TMPRSS5: variants seen among roughly 807,000 people sequenced by gnomAD.
The protein encoded by TMPRSS5 is transmembrane protease serine 5.
Under a neutral mutation model 59.7 loss-of-function variants are expected in TMPRSS5, and 45 were observed. The observed-to-expected ratio is 0.75, with a 90% CI of 0.59 to 0.97. The LOEUF (loss-of-function observed/expected upper bound fraction) is 0.97. Ranked by LOEUF, TMPRSS5 falls within the 50% of genes least tolerant of loss-of-function variation. The pLI, the probability that TMPRSS5 is intolerant of heterozygous loss-of-function variation, is 0.00. For missense variants in TMPRSS5, 585 were observed against 596.7 expected (o/e 0.98, Z 0.20); for synonymous variants, 225 against 232.0 (o/e 0.97, Z 0.27).
intron 7 of TMPRSS5, among the ~76,000 whole-genome samples, chr11:113,695,178 G>A (rs1285064549): frequency 6.6e-6 from 1 of 152,190 alleles, no homozygotes; most frequent in Non-Finnish European, 1.5e-5. Flanking sequence ...GAGATCATCA[G>A]CCCAGATCTG....
In TMPRSS5 at chr11:113,689,649, T is replaced by C. The variant is rs946077698; in HGVS notation, c.1359+116A>G. On this transcript the variant is annotated intron_variant, in intron 12 of 12. Coordinates refer to ENST00000299882, the MANE Select transcript of TMPRSS5 (RefSeq NM_030770.4). Reference sequence around the variant, plus strand: ...CTTCCTCCACTCACTCTGGGGAATATGTCCTAGCACCCTCCCCAGTCCCCA... The same window carrying C: ...CTTCCTCCACTCACTCTGGGGAATACGTCCTAGCACCCTCCCCAGTCCCCA... 125 of 1,107,034 alleles carry C rather than the reference T, an allele frequency of 1.1e-4. 1 individual carries two copies. The highest frequency in any genetic ancestry group is 1.5e-4 in the Non-Finnish European group (117 of 797,024). 68.6% of individuals were successfully genotyped at this position (1,107,034 alleles called of 1,614,324 possible).
chr11:113,696,749 A>G (rs1952937482), intron 6 of TMPRSS5, 109 bp downstream of exon 6: 2 of 710,620 alleles, frequency 2.8e-6, no homozygotes, highest in Non-Finnish European at 4.9e-6. Flanking sequence ...TCCTCCTATC[A>G]TAGGCCACCA....
In TMPRSS5 at chr11:113,697,421, G is replaced by C. The variant is rs760504049; in HGVS notation, c.329-3C>G. On this transcript the variant is annotated splice_region_variant and splice_polypyrimidine_tract_variant and intron_variant, in intron 4 of 12. Transcript: ENST00000299882. Reference sequence around the variant, plus strand: ...TTCGCTGTTTATTCTGAAAGATACTGAAATCACAGCATGAAAACCACATGG... The same window carrying C: ...TTCGCTGTTTATTCTGAAAGATACTCAAATCACAGCATGAAAACCACATGG... 2.8e-5 allele frequency: 45 copies of C among 1,613,436 alleles called. No homozygotes were observed. Among genetic ancestry groups the C allele is most frequent in the Non-Finnish European group, 3.8e-5 (45 of 1,179,594 alleles).
At chr11:113,692,857 C>T (rs1226642888) in intron 9 of TMPRSS5, among the ~76,000 whole-genome samples, 1 of 152,124 alleles carries the variant, frequency 6.6e-6, no homozygotes, top group Non-Finnish European at 1.5e-5. Flanking sequence ...TGAAATGGGT[C>T]TGAACCTCTT....
chr11:113,699,712 G>C lies in TMPRSS5; in HGVS notation c.107-19C>G. Reference sequence around the variant, plus strand: ...TGAGAAACTGTGGGAAAGGGCAGAGGGGTATCTGGGTCCCCTGCTCCTGCC... The same window carrying C: ...TGAGAAACTGTGGGAAAGGGCAGAGCGGTATCTGGGTCCCCTGCTCCTGCC... On this transcript the variant is annotated intron_variant, in intron 2 of 12. Coordinates refer to ENST00000299882, the MANE Select transcript of TMPRSS5 (RefSeq NM_030770.4). 6.4e-7 allele frequency: 1 copy of C among 1,552,888 alleles called. No individual in the cohort carries two copies. Among genetic ancestry groups the C allele is most frequent in the African/African-American group, 1.4e-5 (1 of 73,200 alleles).
In TMPRSS5 at chr11:113,697,523, C is replaced by T. The variant is rs950983091; in HGVS notation, c.329-105G>A. ...GTAGTACTTGAAGAGGCCTTAATGACAGCATCTGGATCACCCAGTGCCAAG... is the reference window on the plus strand; with the variant it reads ...GTAGTACTTGAAGAGGCCTTAATGATAGCATCTGGATCACCCAGTGCCAAG... On this transcript the variant is annotated intron_variant, in intron 4 of 12. Transcript: ENST00000299882. 6 of 1,373,628 alleles carry T rather than the reference C, an allele frequency of 4.4e-6. No homozygotes were observed. The South Asian group carries it at 5.5e-5, about 13-fold the overall frequency. The allele number at this position is 1,373,628 out of a possible 1,614,324, so 85.1% of individuals were successfully genotyped here.
intron 2 of TMPRSS5, 82 bp downstream of exon 2, chr11:113,699,984 C>A (rs748833367): frequency 6.5e-7 from 1 of 1,548,322 alleles, no homozygotes; most frequent in South Asian, 1.2e-5. Context: ...GGGGCTGACC[C>A]CAAGGAGGAT....
chr11:113,693,017 C>T, intron 9 of TMPRSS5, 54 bp downstream of exon 9: 1 of 1,383,240 alleles, frequency 7.2e-7, no homozygotes, highest in Non-Finnish European at 1.0e-6. Context: ...CACCCAGCCC[C>T]CGCCCTCTCT....
intron 3 of TMPRSS5, among the ~76,000 whole-genome samples, chr11:113,699,262 T>TCCCCCCC (rs370060093): frequency 1.1e-5 from 1 of 93,264 alleles, no homozygotes; most frequent in African/African-American, 6.1e-5. Flanking sequence ...TCTCTCTCTC[T>TCCCCCCC]CTCTCTCTCC....
rs753929860 is a variant in TMPRSS5 at position 113,699,628 on chromosome 11, G to A, written c.172C>T (p.Leu58=). ...GCAVLGALGL[L]AGAGVGSWLL... is the part of the protein sequence containing the mutation. ...CATGAGCCAACACCTGCACCGGCCA[G>A]CAGCCCCAGGGCTCCCAGCACTGCA... Residue 58 remains leucine, a synonymous_variant, in exon 3 of 13, where the codon CTG becomes TTG. Transcript: ENST00000299882. 8 of 1,583,768 alleles carry A rather than the reference G, an allele frequency of 5.1e-6. No individual in the cohort carries two copies. The East Asian group carries it at 1.6e-4, about 32-fold the overall frequency.
At position 113,699,020 on chromosome 11, in the gene TMPRSS5, A is replaced by T. The variant is rs746269194; in HGVS notation, c.213T>A (p.Tyr71Ter). 6.2e-7 allele frequency: 1 copy of T among 1,611,818 alleles called. No individual in the cohort carries two copies. Among genetic ancestry groups the T allele is most frequent in the Non-Finnish European group, 8.5e-7 (1 of 1,179,106 alleles). Residue 71 changes from tyrosine to a stop codon, truncating the protein, a stop_gained, in exon 4 of 13, where the codon TAT (tyrosine) becomes TAA (stop). Transcript: ENST00000299882. LOFTEE classifies it high-confidence loss of function. Reference sequence around the variant, plus strand: ...TGGGCTGAGAGGCAGCAGGACACAGATACAGCACTTTAGAGAAGAACAAAG... The same window carrying T: ...TGGGCTGAGAGGCAGCAGGACACAGTTACAGCACTTTAGAGAAGAACAAAG... ...AGVGSWLLVL[Y>*]LCPAASQPIS...
chr11:113,696,786 AAGG>A, intron 6 of TMPRSS5, 69 bp downstream of exon 6: 1 of 1,028,626 alleles, frequency 9.7e-7, no homozygotes, highest in Admixed American at 2.0e-5. Flanking sequence ...CATCCCAAGA[AAGG>A]AGATTTTTGC....
chr11:113,698,759 C>G, intron 4 of TMPRSS5, 146 bp downstream of exon 4: 1 of 926,322 alleles, frequency 1.1e-6, no homozygotes, highest in Non-Finnish European at 1.6e-6. Context: ...TGCAAGGTGA[C>G]ACCTTGTCAC....
Position 113,697,343 on chromosome 11 carries a change from C to T in TMPRSS5, c.404G>A (p.Cys135Tyr). ...CAGGGCGGGGCTCCAGCCCTCATGG[C>T]AGACCAGGAGCCAGCGTGGCTGATC... The part of the protein sequence containing the change: ...VRDQPRWLLV[C>Y]HEGWSPALGL... Residue 135 changes from cysteine (C) to tyrosine (Y), a missense_variant, in exon 5 of 13, where the codon TGC becomes TAC. Transcript: ENST00000299882. 2 of 1,613,826 alleles carry T rather than the reference C, an allele frequency of 1.2e-6. No individual in the cohort carries two copies. The highest frequency in any genetic ancestry group is 1.7e-6 in the Non-Finnish European group (2 of 1,179,710).
chr11:113,690,181 C>CCCCCCCCCCCCCCCCAA, intron 11 of TMPRSS5, 50 bp downstream of exon 11: 1 of 699,642 alleles, frequency 1.4e-6, no homozygotes, highest in Non-Finnish European at 2.4e-6. Context: ...CCCCTGCCCT[C>CCCCCCCCCCCCCCCCAA]CCACCCCCAC....
intron 1 of TMPRSS5, among the ~76,000 whole-genome samples, chr11:113,706,020 G>A (rs1015846129): frequency 2.0e-5 from 3 of 152,198 alleles, no homozygotes; most frequent in Admixed American, 2.0e-4. Flanking sequence ...GATCTAAGAG[G>A]GATGAAAGAG....
chr11:113,688,307 C>A (rs1361737048), intron 12 of TMPRSS5, 33 bp from the exon 13 acceptor site: 2 of 1,472,206 alleles, frequency 1.4e-6, no homozygotes, highest in East Asian at 4.8e-5. Flanking sequence ...TGATTCACAG[C>A]ATGGCTCTAC....
chr11:113,699,259 CT>C (rs1423378033), intron 3 of TMPRSS5, among the ~76,000 whole-genome samples: 929 of 79,980 alleles, frequency 0.012, 66 homozygotes, highest in East Asian at 0.029. Flanking sequence ...CTCTCTCTCT[CT>C]CTCTCTCTCT....
intron 3 of TMPRSS5, among the ~76,000 whole-genome samples, chr11:113,699,277 C>T (rs1041280087): frequency 9.1e-6 from 1 of 109,456 alleles, no homozygotes; most frequent in East Asian, 2.6e-4. Context: ...CTCTCCCTCT[C>T]TCTCTCTCTC....
Sources: allele counts gnomAD v4.1 joint callset (sites outside exome capture counted in the v4.1 genomes callset), GRCh38; gene constraint gnomAD v4.1.1; transcripts MANE v1.5; gene names NCBI Gene and HGNC (gene_info 2026-07-23, HGNC 2026-07-21).